The following CSMD1 variants were observed in gnomAD, a reference collection of about 807,000 sequenced individuals.
CSMD1 encodes CUB and Sushi multiple domains 1, also known as CUB and sushi domain-containing protein 1.
In CSMD1, 213 loss-of-function variants were observed where a neutral mutation model predicts 417.5. The observed-to-expected ratio is 0.51, with a 90% CI of 0.46 to 0.57. CSMD1 has a LOEUF of 0.57. Ranked by LOEUF, CSMD1 falls within the 20% of genes least tolerant of loss-of-function variation. CSMD1 has a pLI of 0.00. For synonymous variants in CSMD1, 2,862 were observed against 1,736.8 expected, an observed-to-expected ratio of 1.65 and a Z score of -16.11; for missense variants, 6,923 against 4,529.7, an observed-to-expected ratio of 1.53 and a Z score of -15.17.
At chr8:4,155,487 C>G (rs958879595) in intron 3 of CSMD1, among the ~76,000 whole-genome samples, 2 of 152,116 alleles carry the variant, frequency 1.3e-5, no homozygotes, top group African/African-American at 4.8e-5. Context: ...TCTAGTTAAA[C>G]AAGGGAAAGT....
chr8:3,289,913 C>G (rs895942749), intron 25 of CSMD1, among the ~76,000 whole-genome samples: 3 of 147,456 alleles, frequency 2.0e-5, no homozygotes, highest in East Asian at 2.0e-4. Context: ...TGCCTGTGTC[C>G]TGAATGGTAT....
rs539617308 is a variant in CSMD1 at position 4,806,369 on chromosome 8, G to A, written c.86-168811C>T. Among the ~76,000 whole-genome samples, 8 of 152,234 alleles carry A rather than the reference G, an allele frequency of 5.3e-5. No individual in the cohort carries two copies. In the East Asian group the frequency reaches 1.5e-3, roughly 29 times the overall value. ...TTTTCAGCGTTGCAGTATTGAACTC[G>A]TGTCTCACCTCCAGCCTGTGGATGA... On this transcript the variant is annotated intron_variant, in intron 1 of 69. Coordinates refer to ENST00000635120, the MANE Select transcript of CSMD1 (RefSeq NM_033225.6).
chr8:3,745,010 G>T (rs1454205377), intron 6 of CSMD1, among the ~76,000 whole-genome samples: 1 of 152,110 alleles, frequency 6.6e-6, no homozygotes, highest in Admixed American at 6.6e-5. Context: ...GAGGCTCTTA[G>T]GATTCTCCGG....
chr8:4,223,097 C>A (rs1585049938), intron 3 of CSMD1, among the ~76,000 whole-genome samples: 1 of 151,994 alleles, frequency 6.6e-6, no homozygotes, highest in Non-Finnish European at 1.5e-5. Context: ...TCCCGCCCTG[C>A]CCTGAGCATC....
intron 3 of CSMD1, among the ~76,000 whole-genome samples, chr8:4,327,473 C>T (rs1563059185): frequency 6.6e-6 from 1 of 152,144 alleles, no homozygotes; most frequent in Non-Finnish European, 1.5e-5. Context: ...CTGTAGGTAA[C>T]TGGGGATGAG....
chr8:4,106,396 G>A (rs771870434), intron 3 of CSMD1, among the ~76,000 whole-genome samples: 6 of 152,108 alleles, frequency 3.9e-5, no homozygotes, highest in Non-Finnish European at 2.9e-5. Flanking sequence ...AATTGATCTG[G>A]TAAATATTAT....
chr8:4,574,393 T>G (rs1799038040), intron 2 of CSMD1, among the ~76,000 whole-genome samples: 1 of 152,124 alleles, frequency 6.6e-6, no homozygotes, highest in African/African-American at 2.4e-5. Context: ...ACCCAGCCCC[T>G]TGCACTTCCC....
At chr8:3,552,660 A>G (rs942309463) in intron 10 of CSMD1, among the ~76,000 whole-genome samples, 1 of 152,210 alleles carries the variant, frequency 6.6e-6, no homozygotes, top group African/African-American at 2.4e-5. Flanking sequence ...TTGCAAGAGT[A>G]TTCACATCAA....
intron 3 of CSMD1, among the ~76,000 whole-genome samples, chr8:4,191,678 T>C (rs1336242733): frequency 3.8e-4 from 57 of 151,860 alleles, no homozygotes; most frequent in East Asian, 3.9e-4. Context: ...TCAGATTGAT[T>C]TCAGTTCTTT....
At chr8:4,577,491 A>G (rs1279548823) in intron 2 of CSMD1, among the ~76,000 whole-genome samples, 1 of 152,058 alleles carries the variant, frequency 6.6e-6, no homozygotes, top group Non-Finnish European at 1.5e-5. Context: ...TCCCTATGCC[A>G]CCACAGCACC....
intron 18 of CSMD1, among the ~76,000 whole-genome samples, chr8:3,384,780 T>TAAATATATA (rs1563333162): frequency 4.1e-5 from 5 of 121,670 alleles, no homozygotes; most frequent in African/African-American, 1.6e-4. Context: ...TATATTTATA[T>TAAATATATA]AATATATATT....
intron 1 of CSMD1, among the ~76,000 whole-genome samples, chr8:4,702,836 A>C (rs577190919): frequency 6.6e-6 from 1 of 152,318 alleles, no homozygotes; most frequent in South Asian, 2.1e-4. Context: ...TCTTTGTCTT[A>C]GTTCTTTAAT....
intron 5 of CSMD1, among the ~76,000 whole-genome samples, chr8:3,806,313 G>C (rs190883451): frequency 6.6e-6 from 1 of 152,108 alleles, no homozygotes; most frequent in Admixed American, 6.6e-5. Flanking sequence ...TTAATTCTTT[G>C]GGTAATTAAT....
At chr8:4,929,691 T>G (rs1427317788) in intron 1 of CSMD1, among the ~76,000 whole-genome samples, 2 of 152,086 alleles carry the variant, frequency 1.3e-5, no homozygotes, top group Non-Finnish European at 2.9e-5. Flanking sequence ...TCAGCTTCTG[T>G]TTTATTTTTA....
intron 1 of CSMD1, among the ~76,000 whole-genome samples, chr8:4,656,488 T>C (rs982879357): frequency 5.3e-5 from 8 of 152,008 alleles, no homozygotes; most frequent in African/African-American, 1.9e-4. Flanking sequence ...TTACGGACCA[T>C]TTCATAAAAA....
intron 3 of CSMD1, among the ~76,000 whole-genome samples, chr8:4,132,502 T>G (rs904061544): frequency 1.3e-5 from 2 of 152,188 alleles, no homozygotes; most frequent in African/African-American, 2.4e-5. Flanking sequence ...ATACATTTTA[T>G]TAGGCATTCC....
intron 7 of CSMD1, among the ~76,000 whole-genome samples, chr8:3,646,233 A>G (rs917326605): frequency 3.9e-5 from 6 of 152,190 alleles, no homozygotes; most frequent in Non-Finnish European, 7.4e-5. Context: ...GCACATGTAC[A>G]TAGAAAAAGA....
chr8:4,769,671 C>A (rs541601731), intron 1 of CSMD1, among the ~76,000 whole-genome samples: 1 of 152,250 alleles, frequency 6.6e-6, no homozygotes, highest in Admixed American at 6.5e-5. Flanking sequence ...GAAAGGCTGA[C>A]GGATTTGTGG....
intron 22 of CSMD1, among the ~76,000 whole-genome samples, chr8:3,343,996 A>G (rs1216961098): frequency 6.6e-6 from 1 of 152,212 alleles, no homozygotes; most frequent in Non-Finnish European, 1.5e-5. Context: ...TAACAGAAGT[A>G]TCTCATCATG....
Sources: allele counts gnomAD v4.1 joint callset (sites outside exome capture counted in the v4.1 genomes callset), GRCh38; gene constraint gnomAD v4.1.1; transcripts MANE v1.5; gene names NCBI Gene and HGNC (gene_info 2026-07-23, HGNC 2026-07-21).